Variants in TAF4 observed in about 807,000 individuals in gnomAD.
The protein encoded by TAF4 is TATA-box binding protein associated factor 4.
Under a neutral mutation model 90.3 loss-of-function variants are expected in TAF4, and 9 were observed. That is an observed-to-expected ratio of 0.10 (90% CI 0.06 to 0.17). The LOEUF is 0.17. Ranked by LOEUF, TAF4 falls within the 10% of genes least tolerant of loss-of-function variation. The pLI is 1.00. For synonymous variants in TAF4, 818 were observed against 638.9 expected, an observed-to-expected ratio of 1.28 and a Z score of -4.23; for missense variants, 1,351 against 1,370.7, an observed-to-expected ratio of 0.99 and a Z score of 0.23.
At chr20:62,042,656 G>C (rs546381831) in intron 1 of TAF4, among the ~76,000 whole-genome samples, 1 of 152,356 alleles carries the variant, frequency 6.6e-6, no homozygotes, top group South Asian at 2.1e-4. Context: ...AGCCCCTGTT[G>C]CAAGTACCCA....
chr20:62,043,227 G>C (rs2055974026), intron 1 of TAF4, among the ~76,000 whole-genome samples: 1 of 152,110 alleles, frequency 6.6e-6, no homozygotes, highest in South Asian at 2.1e-4. Flanking sequence ...CCTGAGGTGG[G>C]AGGATCTCCT....
chr20:62,015,027 T>C (rs767252417), intron 1 of TAF4, among the ~76,000 whole-genome samples: 1 of 151,926 alleles, frequency 6.6e-6, no homozygotes, highest in Non-Finnish European at 1.5e-5. Flanking sequence ...AACCAGCCCA[T>C]ACACCCCACA....
chr20:61,996,710 A>G (rs1459980080), intron 14 of TAF4, among the ~76,000 whole-genome samples: 1 of 151,986 alleles, frequency 6.6e-6, no homozygotes, highest in Non-Finnish European at 1.5e-5. Flanking sequence ...GAGGCAGGAG[A>G]ACTGCTTGAA....
chr20:61,993,887 G>C (rs1308125937), intron 14 of TAF4, among the ~76,000 whole-genome samples: 1 of 152,144 alleles, frequency 6.6e-6, no homozygotes, highest in Non-Finnish European at 1.5e-5. Context: ...CGAGTAGCTG[G>C]AAATACAGGT....
intron 14 of TAF4, among the ~76,000 whole-genome samples, chr20:61,993,132 A>G (rs1281866034): frequency 1.3e-5 from 2 of 152,074 alleles, no homozygotes; most frequent in Non-Finnish European, 2.9e-5. Flanking sequence ...CCAAAAGAAC[A>G]CCCCAAAGAG....
chr20:62,054,388 A>G lies in TAF4; in HGVS notation c.1360+10063T>C, dbSNP rs139700257. ...CAGATCTGTGAATTTGTGCACGCCAACATGCGGCAGGAAGGCGAGGACTGC... is the reference window on the plus strand; with the variant it reads ...CAGATCTGTGAATTTGTGCACGCCAGCATGCGGCAGGAAGGCGAGGACTGC... On this transcript the variant is annotated intron_variant, in intron 1 of 14. Transcript: ENST00000252996. 1.6e-3 allele frequency among the ~76,000 whole-genome samples: 240 copies of G among 152,318 alleles called. 1 individual carries two copies. Among genetic ancestry groups the G allele is most frequent in the Non-Finnish European group, 2.0e-3 (135 of 68,026 alleles).
intron 14 of TAF4, among the ~76,000 whole-genome samples, chr20:61,983,254 A>T (rs528082241): frequency 6.6e-6 from 1 of 152,086 alleles, no homozygotes; most frequent in South Asian, 2.1e-4. Context: ...TAAGTACAAA[A>T]GTAACCAGGA....
In TAF4 at chr20:62,065,348, C is replaced by T; in HGVS notation, c.463G>A (p.Ala155Thr). Reference sequence around the variant, plus strand: ...GGGCCGGCGGGCTTGGCGGGGCCGGCGGGGGCGGGCTCGGGCCCCGCGGCG... The same window carrying T: ...GGGCCGGCGGGCTTGGCGGGGCCGGTGGGGGCGGGCTCGGGCCCCGCGGCG... ...AVAAGPEPAPAGPAKPAGPAA... is the reference protein window; with the variant it reads ...AVAAGPEPAPTGPAKPAGPAA... The change falls in exon 1 of 15, where the codon GCC (alanine) becomes ACC (threonine). Residue 155 changes from alanine (A) to threonine (T), a missense_variant. Ala to Thr is a moderately conservative substitution (Grantham distance 58). This residue lies in a region of TAF4 where 782 missense variants were observed against 536.6 expected (regional missense o/e 1.46). Transcript: ENST00000252996. The T allele has an allele frequency of 1.0e-6, 1 of 952,794 alleles. No individual in the cohort carries two copies. The highest frequency in any genetic ancestry group is 4.9e-5 in the South Asian group (1 of 20,376). 59.0% of individuals were successfully genotyped at this position (952,794 alleles called of 1,614,324 possible).
chr20:62,010,144 C>T lies in TAF4; in HGVS notation c.1663G>A (p.Ala555Thr), dbSNP rs1434200996. 4.3e-6 allele frequency: 7 copies of T among 1,613,698 alleles called. No individual in the cohort carries two copies. The East Asian group carries it at 6.7e-5, about 15-fold the overall frequency. ...GTCCCAAGTGAAGCCGTCTGGGCAG[C>T]GCCACCCAGAACGAGCTGAGGCTAC... Reference protein sequence around the residue: ...GVQPQLVLGGAAQTASLGTAT... With the variant: ...GVQPQLVLGGTAQTASLGTAT... The change falls in exon 4 of 15, where the codon GCT becomes ACT. Residue 555 changes from alanine to threonine, a missense_variant. Ala to Thr is a moderately conservative substitution (Grantham distance 58). Coordinates refer to ENST00000252996, the MANE Select transcript of TAF4 (RefSeq NM_003185.4). This position sits in a 1 kb window ranked among gnomAD's most constrained non-coding sequence, Gnocchi z 4.5.
rs1346566198 is a variant in TAF4, at chr20:62,010,195, G to C, written c.1642-30C>G. The C allele has an allele frequency of 1.2e-6, 2 of 1,612,978 alleles. No individual in the cohort carries two copies. The highest frequency in any genetic ancestry group is 2.7e-5 in the African/African-American group (2 of 74,856). On this transcript the variant is annotated intron_variant, in intron 3 of 14. Coordinates refer to ENST00000252996, the MANE Select transcript of TAF4 (RefSeq NM_003185.4). This position sits in a 1 kb window ranked among gnomAD's most constrained non-coding sequence, Gnocchi z 4.5. ...AAGAATCCAAAAACACAAGGTAAGG[G>C]CATCTCACGCCACCAGCTGACGAGG...
intron 11 of TAF4, 40 bp downstream of exon 11, chr20:62,000,084 A>G (rs771483390): frequency 4.3e-6 from 7 of 1,614,144 alleles, no homozygotes; most frequent in Middle Eastern, 1.7e-4. Context: ...AGTGGGGGCC[A>G]ACAACATAAA....
At chr20:62,013,850 C>A (rs1472475827) in intron 2 of TAF4, among the ~76,000 whole-genome samples, 2 of 151,900 alleles carry the variant, frequency 1.3e-5, no homozygotes, top group African/African-American at 4.8e-5. Flanking sequence ...AAGTCAGAAT[C>A]CGTGCTCCCT....
intron 6 of TAF4, among the ~76,000 whole-genome samples, chr20:62,007,229 T>G (rs1291426835): frequency 6.6e-6 from 1 of 152,228 alleles, no homozygotes; most frequent in Non-Finnish European, 1.5e-5. Context: ...CCTGACGCTG[T>G]TGAAACCCTT....
Position 62,065,758 on chromosome 20 carries a change from T to C in TAF4, c.53A>G (p.Asp18Gly). 1.5e-6 allele frequency: 2 copies of C among 1,338,522 alleles called. No individual in the cohort carries two copies. The highest frequency in any genetic ancestry group is 9.7e-7 in the Non-Finnish European group (1 of 1,026,910). The allele number at this position is 1,338,522 out of a possible 1,614,324, so 82.9% of individuals were successfully genotyped here. Residue 18 changes from aspartate to glycine, a missense_variant, in exon 1 of 15, where the codon GAC (aspartate) becomes GGC (glycine). Physicochemically the swap from Asp to Gly is moderately conservative, Grantham distance 94. Around this residue, in one of 9 missense-constraint regions of TAF4, gnomAD observed 782 missense variants for 536.6 expected, o/e 1.46. Transcript: ENST00000252996. Reference protein sequence around the residue: ...LDEVFFNSEVDEKVVSDLVGS... With the variant: ...LDEVFFNSEVGEKVVSDLVGS... ...CACCAGGTCGCTCACCACTTTCTCGTCCACCTCGCTGTTGAAGAAGACCTC... is the reference window on the plus strand; with the variant it reads ...CACCAGGTCGCTCACCACTTTCTCGCCCACCTCGCTGTTGAAGAAGACCTC...
chr20:62,063,993 C>A (rs1416983360), intron 1 of TAF4, among the ~76,000 whole-genome samples: 1 of 152,222 alleles, frequency 6.6e-6, no homozygotes, highest in Non-Finnish European at 1.5e-5. Flanking sequence ...GGGACACAGG[C>A]CACACGCCTA....
chr20:61,990,035 C>T (rs960270829), intron 14 of TAF4, among the ~76,000 whole-genome samples: 3 of 152,166 alleles, frequency 2.0e-5, no homozygotes, highest in Admixed American at 1.3e-4. Flanking sequence ...TCGGCCACGA[C>T]GCTGTGGAGA....
intron 1 of TAF4, among the ~76,000 whole-genome samples, chr20:62,029,767 G>A (rs149788781): frequency 0.027 from 4,039 of 152,262 alleles, 186 homozygotes; most frequent in African/African-American, 0.093. Context: ...TTAGCTGGGC[G>A]TGGGAGCACA....
intron 3 of TAF4, among the ~76,000 whole-genome samples, chr20:62,011,540 C>A (rs28382062): frequency 6.6e-6 from 1 of 152,208 alleles, no homozygotes; most frequent in Non-Finnish European, 1.5e-5. Flanking sequence ...ACACCAAGGG[C>A]GGGGCCTGCA....
chr20:62,023,129 G>C (rs932447509), intron 1 of TAF4, among the ~76,000 whole-genome samples: 1 of 152,076 alleles, frequency 6.6e-6, no homozygotes, highest in African/African-American at 2.4e-5. Context: ...AAAAGTCTTA[G>C]ATTAACCAAC....
Sources: allele counts gnomAD v4.1 joint callset (sites outside exome capture counted in the v4.1 genomes callset), GRCh38; gene constraint gnomAD v4.1.1; regional missense constraint gnomAD v4.1.1; non-coding constraint Gnocchi (gnomAD v3.1); transcripts MANE v1.5; gene names NCBI Gene and HGNC (gene_info 2026-07-23, HGNC 2026-07-21).